The following PTPRN2 variants were observed in gnomAD, a reference collection of about 807,000 sequenced individuals.
PTPRN2 encodes protein tyrosine phosphatase receptor type N2, also known as receptor-type tyrosine-protein phosphatase N2.
A neutral mutation model predicts 118.8 loss-of-function variants in PTPRN2; 74 were observed. The observed-to-expected ratio is 0.62, with a 90% CI of 0.52 to 0.76. PTPRN2 has a LOEUF of 0.76. Ranked by LOEUF, PTPRN2 falls within the 30% of genes least tolerant of loss-of-function variation. The pLI, the probability that PTPRN2 is intolerant of heterozygous loss-of-function variation, is 0.00. For synonymous variants in PTPRN2, 641 were observed against 608.0 expected (o/e 1.05, Z -0.80); for missense variants, 1,481 against 1,394.4 (o/e 1.06, Z -0.99).
rs529873249 is a variant in PTPRN2, at chr7:157,772,900, G to A, written c.1789-89963C>T. ...TGTCCAGGGTGTGGCTTGGAGCCGT[G>A]GAGCTGGAGGCCTGGGTGATATGGT... On this transcript the variant is annotated intron_variant, in intron 12 of 22. Transcript: ENST00000389418. Among the ~76,000 whole-genome samples the A allele has an allele frequency of 4.6e-5, 7 of 152,326 alleles. No individual in the cohort carries two copies. In the South Asian group the frequency reaches 1.0e-3, roughly 23 times the overall value.
chr7:158,379,917 A>G (rs1699072636), intron 2 of PTPRN2, among the ~76,000 whole-genome samples: 1 of 152,188 alleles, frequency 6.6e-6, no homozygotes, highest in Non-Finnish European at 1.5e-5. Context: ...TCTCACATGG[A>G]TGACAGCAGG....
At chr7:158,548,845 A>T (rs974701696) in intron 1 of PTPRN2, among the ~76,000 whole-genome samples, 1 of 152,190 alleles carries the variant, frequency 6.6e-6, no homozygotes, top group Non-Finnish European at 1.5e-5. Flanking sequence ...CTACAGGATG[A>T]TGTGTTGAGT....
chr7:157,971,624 CG>C (rs1245682926), intron 11 of PTPRN2, among the ~76,000 whole-genome samples: 1 of 151,586 alleles, frequency 6.6e-6, no homozygotes, highest in Non-Finnish European at 1.5e-5. Flanking sequence ...CCCTGTTTTA[CG>C]ATTAAGTGCA....
intron 4 of PTPRN2, among the ~76,000 whole-genome samples, chr7:158,197,658 A>T (rs1826314978): frequency 6.6e-6 from 1 of 152,176 alleles, no homozygotes; most frequent in African/African-American, 2.4e-5. Flanking sequence ...ATGGCTGGGG[A>T]GGTCTCAGGA....
In PTPRN2 at chr7:158,461,804, C is replaced by G. The variant is rs144545548; in HGVS notation, c.163+27931G>C. Among the ~76,000 whole-genome samples, 396 of 152,308 alleles carry G rather than the reference C, an allele frequency of 2.6e-3. 11 individuals are homozygous for G. The South Asian group carries it at 0.046, about 18-fold the overall frequency. Reference sequence around the variant, plus strand: ...AAGTTTTTCAACATTATAAATAAAGCTGTAACAAACGTGCTTTCAATTATT... The same window carrying G: ...AAGTTTTTCAACATTATAAATAAAGGTGTAACAAACGTGCTTTCAATTATT... On this transcript the variant is annotated intron_variant, in intron 2 of 22. Coordinates refer to ENST00000389418, the MANE Select transcript of PTPRN2 (RefSeq NM_002847.5).
At chr7:158,342,141 C>A (rs1195367894) in intron 2 of PTPRN2, among the ~76,000 whole-genome samples, 2 of 129,778 alleles carry the variant, frequency 1.5e-5, no homozygotes, top group African/African-American at 3.0e-5. Context: ...AGCTGTCGCC[C>A]GCAGAGGTCA....
At chr7:157,718,507 G>A (rs1563033845) in intron 12 of PTPRN2, among the ~76,000 whole-genome samples, 2 of 152,128 alleles carry the variant, frequency 1.3e-5, no homozygotes, top group Admixed American at 6.5e-5. Context: ...GGTCTGCCCC[G>A]CAGCCCTGAG....
chr7:158,461,091 T>G (rs1029054470), intron 2 of PTPRN2, among the ~76,000 whole-genome samples: 3 of 152,228 alleles, frequency 2.0e-5, no homozygotes, highest in Non-Finnish European at 4.4e-5. Context: ...CCGACAGTCA[T>G]GTGGCTTCAC....
intron 11 of PTPRN2, among the ~76,000 whole-genome samples, chr7:157,956,508 C>T (rs1290847086): frequency 6.6e-6 from 1 of 152,254 alleles, no homozygotes; most frequent in Non-Finnish European, 1.5e-5. Context: ...TCAATGTGCA[C>T]TCAACAATTG....
Position 158,570,230 on chromosome 7 carries a change from G to A in PTPRN2, c.112+17328C>T, listed in dbSNP as rs1338834176. ...TTCCGGGCTCCGTGTCCTTCTGGAG[G>A]CCGCTCCTTGGCCATGGGCCCTCGG... On this transcript the variant is annotated intron_variant, in intron 1 of 22. Coordinates refer to ENST00000389418, the MANE Select transcript of PTPRN2 (RefSeq NM_002847.5). This position sits in a 1 kb window ranked among gnomAD's most constrained non-coding sequence, Gnocchi z 4.5. Among the ~76,000 whole-genome samples the A allele has an allele frequency of 6.6e-6, 1 of 152,210 alleles. No homozygotes were observed. Among genetic ancestry groups the A allele is most frequent in the Non-Finnish European group, 1.5e-5 (1 of 68,040 alleles).
At chr7:158,057,895 G>T (rs988587948) in intron 11 of PTPRN2, among the ~76,000 whole-genome samples, 1 of 152,174 alleles carries the variant, frequency 6.6e-6, no homozygotes, top group Non-Finnish European at 1.5e-5. Context: ...AAGTCCTCAG[G>T]TCTACGAATA....
At chr7:158,150,539 C>T (rs1473476827) in intron 6 of PTPRN2, among the ~76,000 whole-genome samples, 8 of 152,220 alleles carry the variant, frequency 5.3e-5, no homozygotes, top group Admixed American at 4.6e-4. Context: ...TTCACCAGCT[C>T]CTGGAGCCCA....
chr7:158,278,858 C>T (rs796976053), intron 3 of PTPRN2, among the ~76,000 whole-genome samples: 2 of 152,242 alleles, frequency 1.3e-5, no homozygotes, highest in African/African-American at 4.8e-5. Context: ...TTCGTGGTCT[C>T]TATGGCTTCA....
chr7:157,545,033 T>C (rs1409518937), intron 22 of PTPRN2, among the ~76,000 whole-genome samples: 1 of 146,056 alleles, frequency 6.8e-6, no homozygotes, highest in African/African-American at 2.6e-5. Context: ...GCACTGTGTG[T>C]ACACCTGTGG....
intron 20 of PTPRN2, among the ~76,000 whole-genome samples, chr7:157,570,798 G>A (rs221296): frequency 0.93 from 140,763 of 152,170 alleles, 65,237 homozygotes; most frequent in Middle Eastern, 1. Flanking sequence ...GCCTCTGCTG[G>A]ACGTCCTGGT....
chr7:158,435,516 G>A (rs989054168), intron 2 of PTPRN2, among the ~76,000 whole-genome samples: 1 of 152,086 alleles, frequency 6.6e-6, no homozygotes, highest in African/African-American at 2.4e-5. Flanking sequence ...CAGTATACAG[G>A]TTCCTCAAAA....
intron 11 of PTPRN2, among the ~76,000 whole-genome samples, chr7:157,994,703 T>G (rs13307215): frequency 1.1e-3 from 114 of 105,062 alleles, no homozygotes; most frequent in African/African-American, 2.9e-3. Flanking sequence ...TACAGCTCCT[T>G]GTTCCTAAAA....
chr7:158,176,616 G>A (rs1012982199), intron 5 of PTPRN2, among the ~76,000 whole-genome samples: 4 of 152,162 alleles, frequency 2.6e-5, no homozygotes, highest in African/African-American at 9.7e-5. Flanking sequence ...TTCAGTGGAG[G>A]GCAGGGACAG....
chr7:158,300,431 C>T (rs555460676), intron 3 of PTPRN2, among the ~76,000 whole-genome samples: 149 of 152,280 alleles, frequency 9.8e-4, no homozygotes, highest in African/African-American at 3.2e-3. Context: ...TGCTTTGACA[C>T]GCTGCTGTTG....
Sources: gnomAD v4.1 joint callset for allele counts (sites outside exome capture counted in the v4.1 genomes callset) on GRCh38, gnomAD v4.1.1 for gene constraint, Gnocchi (gnomAD v3.1) non-coding constraint, MANE v1.5 for transcripts, NCBI Gene and HGNC (gene_info 2026-07-23, HGNC 2026-07-21) for gene names.